Variants in CCDC125 observed in about 807,000 individuals in gnomAD.
CCDC125 encodes the protein coiled-coil domain containing 125.
In CCDC125, 43 loss-of-function variants were observed where a neutral mutation model predicts 57.4. The ratio of observed to expected loss-of-function variants is 0.75; its 90% confidence interval spans 0.59 to 0.97. CCDC125 has a LOEUF of 0.97. Among genes scored for constraint, CCDC125 ranks in the 50% least tolerant of loss-of-function variants. The pLI, the probability that CCDC125 is intolerant of heterozygous loss-of-function variation, is 0.00. For synonymous variants in CCDC125, 187 were observed against 195.2 expected (o/e 0.96, Z 0.35); for missense variants, 563 against 595.7 (o/e 0.95, Z 0.57).
At chr5:69,305,480 T>C (rs1174885857) in intron 6 of CCDC125, among the ~76,000 whole-genome samples, 1 of 152,160 alleles carries the variant, frequency 6.6e-6, no homozygotes, top group African/African-American at 2.4e-5. Context: ...CCCAAAATGC[T>C]GGGATTATGT....
At chr5:69,291,458 G>A (rs1387311682) in intron 10 of CCDC125, among the ~76,000 whole-genome samples, 3 of 151,800 alleles carry the variant, frequency 2.0e-5, no homozygotes, top group Non-Finnish European at 2.9e-5. Context: ...GGGTTCAAGC[G>A]ATTCTTCTGC....
chr5:69,329,136 T>C (rs1399451699), intron 1 of CCDC125, among the ~76,000 whole-genome samples: 1 of 151,782 alleles, frequency 6.6e-6, no homozygotes, highest in Non-Finnish European at 1.5e-5. Flanking sequence ...CATATCAATA[T>C]ATGCTGTCTA....
At chr5:69,327,564 G>A (rs539955405) in intron 1 of CCDC125, among the ~76,000 whole-genome samples, 5 of 152,352 alleles carry the variant, frequency 3.3e-5, no homozygotes, top group African/African-American at 1.2e-4. Context: ...AGCAGGATGT[G>A]TTAACGGAGA....
chr5:69,291,046 T>C (rs1754373155), intron 10 of CCDC125, among the ~76,000 whole-genome samples: 1 of 152,240 alleles, frequency 6.6e-6, no homozygotes, highest in African/African-American at 2.4e-5. Flanking sequence ...GTTAGAATTA[T>C]AGATCTGACA....
chr5:69,278,865 A>T (rs1222502782), downstream of CCDC125, among the ~76,000 whole-genome samples: 1 of 139,160 alleles, frequency 7.2e-6, no homozygotes, highest in Non-Finnish European at 1.5e-5. Flanking sequence ...TGCCTGGTTA[A>T]TTTTTTTTTT....
chr5:69,316,312 T>C (rs542669826), intron 2 of CCDC125, among the ~76,000 whole-genome samples: 3 of 152,290 alleles, frequency 2.0e-5, no homozygotes, highest in African/African-American at 7.2e-5. Context: ...TACTCTGGAT[T>C]ATCCAAGTGA....
rs745493733 is a variant in CCDC125, at chr5:69,294,896, G to A, written c.821C>T (p.Ala274Val). ...GFAEASGLEL[A>V]VLGACLCHGP... Reference sequence around the variant, plus strand: ...ATGACAAAGGCAGGCTCCGAGGACCGCAAGCTTTAAATTGAAAAGCATTGC... The same window carrying A: ...ATGACAAAGGCAGGCTCCGAGGACCACAAGCTTTAAATTGAAAAGCATTGC... Residue 274 changes from alanine (A) to valine (V), a missense_variant, in exon 9 of 12, where the codon GCG becomes GTG. Ala to Val is a moderately conservative substitution (Grantham distance 64, BLOSUM62 0). Coordinates refer to ENST00000396496, the MANE Select transcript of CCDC125 (RefSeq NM_176816.5). 2.4e-5 allele frequency: 38 copies of A among 1,611,914 alleles called. No individual in the cohort carries two copies. Among genetic ancestry groups the A allele is most frequent in the South Asian group, 4.4e-5 (4 of 90,702 alleles).
chr5:69,313,558 G>C (rs1758504654), intron 3 of CCDC125: 1 of 752,106 alleles, frequency 1.3e-6, no homozygotes, highest in Non-Finnish European at 2.5e-6. Context: ...AGACTCAGTG[G>C]CCCAGAAGAT....
downstream of CCDC125, chr5:69,276,851 A>G (rs2150248995): frequency 1.4e-6 from 1 of 730,592 alleles, no homozygotes; most frequent in East Asian, 2.7e-5. Flanking sequence ...CGTTTTAGGT[A>G]TGTTTACTTT....
intron 2 of CCDC125, among the ~76,000 whole-genome samples, chr5:69,318,685 G>A (rs149871073): frequency 0.01 from 1,543 of 151,746 alleles, 23 homozygotes; most frequent in African/African-American, 0.036. Flanking sequence ...CCCAGGAGGC[G>A]GAGGTTGCAG....
rs1176926795 is a variant in CCDC125, at chr5:69,282,624, C to T, written c.*105G>A. On this transcript the variant is annotated 3_prime_UTR_variant, in exon 12 of 12. Coordinates refer to ENST00000396496, the MANE Select transcript of CCDC125 (RefSeq NM_176816.5). Reference sequence around the variant, plus strand: ...AGTGACCTCCTAAAATTTAGAAATACCTAGGAAACATACAACTTCTCAAGA... The same window carrying T: ...AGTGACCTCCTAAAATTTAGAAATATCTAGGAAACATACAACTTCTCAAGA... The T allele has an allele frequency of 5.4e-6, 5 of 919,138 alleles. No individual in the cohort carries two copies. The highest frequency in any genetic ancestry group is 8.2e-6 in the Non-Finnish European group (5 of 610,146). 56.9% of individuals were successfully genotyped at this position (919,138 alleles called of 1,614,324 possible).
intron 2 of CCDC125, among the ~76,000 whole-genome samples, chr5:69,315,183 G>A (rs1202483796): frequency 6.6e-6 from 1 of 151,654 alleles, no homozygotes; most frequent in African/African-American, 2.4e-5. Context: ...TTGAACCCAG[G>A]AGGCGGAGGT....
intron 2 of CCDC125, among the ~76,000 whole-genome samples, chr5:69,315,613 C>T (rs1399266552): frequency 6.6e-6 from 1 of 151,544 alleles, no homozygotes; most frequent in East Asian, 1.9e-4. Flanking sequence ...CAAAAATTAG[C>T]CGGGCATGGT....
At chr5:69,326,765 T>G (rs1760782207) in intron 1 of CCDC125, among the ~76,000 whole-genome samples, 4 of 152,122 alleles carry the variant, frequency 2.6e-5, no homozygotes, top group Admixed American at 6.6e-5. Context: ...TAAACTTAAC[T>G]TCAGGCTGGG....
rs771189929 is a variant in CCDC125, at chr5:69,313,957, T to C, written c.366+28A>G. ...CGCTGCTGGGACCCAGCTAAACTGA[T>C]AATTTTTATATTAGCCAGAGTACCT... On this transcript the variant is annotated intron_variant, in intron 3 of 11. Coordinates refer to ENST00000396496, the MANE Select transcript of CCDC125 (RefSeq NM_176816.5). 7.2e-6 allele frequency: 11 copies of C among 1,533,636 alleles called. 1 individual carries two copies. In the South Asian group the frequency reaches 1.2e-4, roughly 17 times the overall value.
intron 8 of CCDC125, among the ~76,000 whole-genome samples, chr5:69,296,319 A>G (rs1318129497): frequency 6.6e-6 from 1 of 152,144 alleles, no homozygotes; most frequent in African/African-American, 2.4e-5. Context: ...TGGCAAGCCA[A>G]GGCAGGTGGA....
At chr5:69,304,186 C>G (rs1756959727) in intron 6 of CCDC125, among the ~76,000 whole-genome samples, 1 of 151,640 alleles carries the variant, frequency 6.6e-6, no homozygotes, top group Non-Finnish European at 1.5e-5. Flanking sequence ...CTCACTGCAA[C>G]CTCCACCTCT....
intron 8 of CCDC125, among the ~76,000 whole-genome samples, chr5:69,298,595 C>T (rs1279615745): frequency 1.3e-5 from 2 of 152,098 alleles, no homozygotes; most frequent in Non-Finnish European, 2.9e-5. Context: ...TGGGAAGGGC[C>T]AATATCAATC....
intron 2 of CCDC125, among the ~76,000 whole-genome samples, chr5:69,317,321 T>C (rs1440343750): frequency 2.0e-5 from 3 of 152,184 alleles, no homozygotes; most frequent in Non-Finnish European, 1.5e-5. Context: ...TTCATGTTTT[T>C]ATAAAGGCAT....
Sources: allele counts gnomAD v4.1 joint callset (sites outside exome capture counted in the v4.1 genomes callset), GRCh38; gene constraint gnomAD v4.1.1; transcripts MANE v1.5; gene names NCBI Gene and HGNC (gene_info 2026-07-23, HGNC 2026-07-21).